The following RBFOX1 variants were observed in gnomAD, a reference collection of about 807,000 sequenced individuals.
The protein encoded by RBFOX1 is RNA binding protein fox-1 homolog 1.
RBFOX1 carries 8 observed loss-of-function variants against 57.7 expected under a neutral mutation model. That is an observed-to-expected ratio of 0.14 (90% CI 0.08 to 0.25). RBFOX1 has a LOEUF of 0.25. Ranked by LOEUF, RBFOX1 falls within the 10% of genes least tolerant of loss-of-function variation. The pLI, the probability that RBFOX1 is intolerant of heterozygous loss-of-function variation, is 1.00. For synonymous variants in RBFOX1, 326 were observed against 222.4 expected (o/e 1.47, Z -4.15); for missense variants, 611 against 548.5 (o/e 1.11, Z -1.14).
chr16:7,051,623 G>C (rs1198934195), intron 3 of RBFOX1, among the ~76,000 whole-genome samples: 1 of 152,150 alleles, frequency 6.6e-6, no homozygotes, highest in East Asian at 1.9e-4. Flanking sequence ...TGACACTACT[G>C]GCCCTAAACA....
At chr16:6,717,668 C>T (rs530484400) in intron 3 of RBFOX1, among the ~76,000 whole-genome samples, 3 of 151,654 alleles carry the variant, frequency 2.0e-5, no homozygotes, top group South Asian at 4.2e-4. Context: ...CAAGTGTCTT[C>T]AGAGCTGACA....
chr16:6,968,203 A>C (rs2084722018), intron 3 of RBFOX1, among the ~76,000 whole-genome samples: 1 of 152,188 alleles, frequency 6.6e-6, no homozygotes, highest in Non-Finnish European at 1.5e-5. Flanking sequence ...TTTTCAGTTC[A>C]GAGTGACTGA....
At chr16:6,415,369 C>G (rs2093595228) in intron 2 of RBFOX1, among the ~76,000 whole-genome samples, 2 of 151,668 alleles carry the variant, frequency 1.3e-5, no homozygotes, top group Admixed American at 1.3e-4. Flanking sequence ...AGCCCAAGCT[C>G]ATACAGCTAG....
In RBFOX1 at chr16:7,165,512, C is replaced by G. The variant is rs142164724; in HGVS notation, c.27+113414C>G. Among the ~76,000 whole-genome samples the G allele has an allele frequency of 3.6e-3, 542 of 151,902 alleles. 4 individuals are homozygous for G. The highest frequency in any genetic ancestry group is 0.014 in the Middle Eastern group (4 of 294). ...TGGCATGATCTCGGCTCACCGCACC[C>G]TCCACCTCCTGGAATCAAGCCATTC... On this transcript the variant is annotated intron_variant, in intron 4 of 15. Transcript: ENST00000550418.
chr16:6,065,255 A>T (rs1360057078), intron 1 of RBFOX1, among the ~76,000 whole-genome samples: 2 of 148,710 alleles, frequency 1.3e-5, no homozygotes, highest in African/African-American at 5.0e-5. Context: ...GGCTGGTCTC[A>T]AACTCCTGGT....
intron 2 of RBFOX1, among the ~76,000 whole-genome samples, chr16:6,452,556 C>G (rs1227790200): frequency 6.6e-6 from 1 of 152,158 alleles, no homozygotes; most frequent in Non-Finnish European, 1.5e-5. Context: ...AGGGATGTAC[C>G]TAGAGATCGT....
At chr16:7,341,318 A>C (rs1418372891) in intron 4 of RBFOX1, among the ~76,000 whole-genome samples, 2 of 152,132 alleles carry the variant, frequency 1.3e-5, no homozygotes, top group Admixed American at 1.3e-4. Flanking sequence ...TGAGCTTTTC[A>C]GGCTTGTAAA....
At chr16:6,936,389 C>G (rs1234872421) in intron 3 of RBFOX1, among the ~76,000 whole-genome samples, 1 of 152,104 alleles carries the variant, frequency 6.6e-6, no homozygotes, top group Non-Finnish European at 1.5e-5. Context: ...CAAATAAAAA[C>G]TTCTTGGTGA....
intron 2 of RBFOX1, among the ~76,000 whole-genome samples, chr16:6,493,750 A>C (rs1598178360): frequency 6.6e-6 from 1 of 152,358 alleles, no homozygotes; most frequent in East Asian, 1.9e-4. Context: ...AACACTTCAG[A>C]GAAAGGCAGG....
chr16:6,517,178 G>A (rs765645901), intron 2 of RBFOX1, among the ~76,000 whole-genome samples: 6 of 152,082 alleles, frequency 3.9e-5, no homozygotes, highest in South Asian at 2.1e-4. Context: ...TCCTTGGCTC[G>A]CTTCTGACAA....
intron 1 of RBFOX1, among the ~76,000 whole-genome samples, chr16:6,263,534 C>T (rs2097714558): frequency 6.6e-6 from 1 of 152,042 alleles, no homozygotes; most frequent in African/African-American, 2.4e-5. Context: ...TTCTTTTTTC[C>T]AATCTGTCTT....
At chr16:5,583,714 A>C (rs1047559477) in intron 2 of RBFOX1, among the ~76,000 whole-genome samples, 1 of 152,146 alleles carries the variant, frequency 6.6e-6, no homozygotes, top group Non-Finnish European at 1.5e-5. Context: ...TTGGGCTTTT[A>C]GGATTGTCTC....
intron 3 of RBFOX1, among the ~76,000 whole-genome samples, chr16:6,669,055 T>G (rs1376885078): frequency 6.6e-6 from 1 of 152,246 alleles, no homozygotes; most frequent in East Asian, 1.9e-4. Context: ...CTTCACACTT[T>G]AGATAGAAAG....
At position 6,734,284 on chromosome 16, in the gene RBFOX1, G is replaced by A. The variant is rs891215366; in HGVS notation, c.-16+79634G>A. On this transcript the variant is annotated intron_variant, in intron 3 of 15. Transcript: ENST00000550418. ...CTTTGTTAAGCAGTGTGCATGCGAG[G>A]GCTGGTATAGAGATATTTGCTTTGT... is the stretch of plus-strand genomic sequence containing the variant. Among the ~76,000 whole-genome samples, 7 of 152,106 alleles carry A rather than the reference G, an allele frequency of 4.6e-5. 1 individual carries two copies. The highest frequency in any genetic ancestry group is 1.7e-4 in the African/African-American group (7 of 41,412).
chr16:6,956,425 T>TG (rs370006169), intron 3 of RBFOX1, among the ~76,000 whole-genome samples: 151 of 152,314 alleles, frequency 9.9e-4, no homozygotes, highest in African/African-American at 3.4e-3. Context: ...AGTGAATACT[T>TG]GAATTTGTCA....
intron 4 of RBFOX1, among the ~76,000 whole-genome samples, chr16:5,878,279 G>C (rs2057668088): frequency 6.6e-6 from 1 of 152,188 alleles, no homozygotes; most frequent in Non-Finnish European, 1.5e-5. Context: ...ACAGCCAGCA[G>C]TTATTAATGC....
At chr16:6,423,218 T>C (rs1270258007) in intron 2 of RBFOX1, among the ~76,000 whole-genome samples, 1 of 152,238 alleles carries the variant, frequency 6.6e-6, no homozygotes, top group African/African-American at 2.4e-5. Flanking sequence ...TTGTTGTATC[T>C]GACCAACATT....
At chr16:5,934,425 T>C (rs1597852905) in intron 4 of RBFOX1, among the ~76,000 whole-genome samples, 1 of 152,224 alleles carries the variant, frequency 6.6e-6, no homozygotes, top group African/African-American at 2.4e-5. Context: ...ATCTATTACT[T>C]TCTTTTAAAA....
intron 4 of RBFOX1, among the ~76,000 whole-genome samples, chr16:7,307,361 C>A (rs1161036279): frequency 6.6e-6 from 1 of 152,164 alleles, no homozygotes; most frequent in Non-Finnish European, 1.5e-5. Flanking sequence ...ATCCATAAGA[C>A]AACTCATAAA....
Sources: gnomAD v4.1 joint callset for allele counts (sites outside exome capture counted in the v4.1 genomes callset) on GRCh38, gnomAD v4.1.1 for gene constraint, MANE v1.5 for transcripts, NCBI Gene and HGNC (gene_info 2026-07-23, HGNC 2026-07-21) for gene names.